The following SLCO3A1 variants were observed in gnomAD, a reference collection of about 807,000 sequenced individuals.
The protein encoded by SLCO3A1 is PGE1 transporter.
Under a neutral mutation model 63.1 loss-of-function variants are expected in SLCO3A1, and 27 were observed. The observed-to-expected ratio is 0.43, with a 90% CI of 0.32 to 0.59. SLCO3A1 has a LOEUF of 0.59. Among genes scored for constraint, SLCO3A1 ranks in the 20% least tolerant of loss-of-function variants. The probability of loss-of-function intolerance (pLI) is 0.09; values close to 1 mark genes in which losing one functional copy is unlikely to be tolerated. For missense variants in SLCO3A1, 773 were observed against 945.8 expected (o/e 0.82, Z 2.40); for synonymous variants, 473 against 409.9 (o/e 1.15, Z -1.86).
intron 1 of SLCO3A1, among the ~76,000 whole-genome samples, chr15:91,902,139 A>G (rs1309018233): frequency 1.3e-5 from 2 of 150,994 alleles, no homozygotes; most frequent in African/African-American, 4.9e-5. Flanking sequence ...CATTTATTAT[A>G]CTTTTCAACT....
chr15:92,035,447 A>G (rs1055644719), intron 2 of SLCO3A1, among the ~76,000 whole-genome samples: 3 of 151,792 alleles, frequency 2.0e-5, no homozygotes, highest in East Asian at 1.9e-4. Context: ...ATATGCACAT[A>G]TAGGATTATT....
chr15:91,984,786 A>G (rs2046029924), intron 2 of SLCO3A1, among the ~76,000 whole-genome samples: 1 of 152,176 alleles, frequency 6.6e-6, no homozygotes, highest in African/African-American at 2.4e-5. Flanking sequence ...TATTTTATCC[A>G]TCATTTCACA....
chr15:92,161,135 A>C (rs764303788), intron 9 of SLCO3A1, among the ~76,000 whole-genome samples: 2 of 152,156 alleles, frequency 1.3e-5, no homozygotes, highest in African/African-American at 2.4e-5. Flanking sequence ...AGTTCCAGAG[A>C]TCACTTCCTC....
At chr15:92,002,817 A>G (rs2046270836) in intron 2 of SLCO3A1, among the ~76,000 whole-genome samples, 1 of 152,200 alleles carries the variant, frequency 6.6e-6, no homozygotes, top group Admixed American at 6.5e-5. Flanking sequence ...TTCTAGTAGA[A>G]CACAAGGGAT....
chr15:91,976,103 TTC>T (rs770288111), intron 2 of SLCO3A1, among the ~76,000 whole-genome samples: 3 of 152,184 alleles, frequency 2.0e-5, no homozygotes, highest in Non-Finnish European at 4.4e-5. Flanking sequence ...GCTGCATTAT[TTC>T]TTGAAGTGTG....
chr15:91,997,368 A>G (rs545174808), intron 2 of SLCO3A1, among the ~76,000 whole-genome samples: 68 of 152,260 alleles, frequency 4.5e-4, no homozygotes, highest in Non-Finnish European at 9.0e-4. Context: ...GACACAAACA[A>G]ATGGAAAAAC....
At chr15:92,076,319 A>G (rs1033834294) in intron 2 of SLCO3A1, among the ~76,000 whole-genome samples, 28 of 152,190 alleles carry the variant, frequency 1.8e-4, no homozygotes, top group African/African-American at 6.5e-4. Flanking sequence ...TGCCCTTCCC[A>G]GTCAGAACCT....
rs1043680524 is a variant in SLCO3A1 at position 91,894,863 on chromosome 15, G to C, written c.181-21130G>C. On this transcript the variant is annotated intron_variant, in intron 1 of 9. Transcript: ENST00000318445. This position sits in a 1 kb window ranked among gnomAD's most constrained non-coding sequence, Gnocchi z 4.8. Reference sequence around the variant, plus strand: ...ACAGTGAAACCCCCGGAGGGACAGGGAGTGCGTAGAAGCAGGTTGTAGCTC... The same window carrying C: ...ACAGTGAAACCCCCGGAGGGACAGGCAGTGCGTAGAAGCAGGTTGTAGCTC... Among the ~76,000 whole-genome samples the C allele has an allele frequency of 4.6e-5, 7 of 152,178 alleles. No individual in the cohort carries two copies. Among genetic ancestry groups the C allele is most frequent in the African/African-American group, 1.7e-4 (7 of 41,438 alleles).
chr15:92,070,905 T>A (rs2047208317), intron 2 of SLCO3A1, among the ~76,000 whole-genome samples: 1 of 152,210 alleles, frequency 6.6e-6, no homozygotes, highest in African/African-American at 2.4e-5. Flanking sequence ...GTTAAGATGG[T>A]AAATTTTATG....
intron 2 of SLCO3A1, among the ~76,000 whole-genome samples, chr15:91,960,583 T>G (rs1262224610): frequency 1.3e-5 from 2 of 152,206 alleles, no homozygotes; most frequent in African/African-American, 4.8e-5. Context: ...AGAACATATT[T>G]TGAGAGAGCT....
intron 7 of SLCO3A1, among the ~76,000 whole-genome samples, chr15:92,131,943 GCACCTCCCT>G (rs2048001744): frequency 6.9e-6 from 1 of 145,532 alleles, no homozygotes. Context: ...ATTTACTCTG[GCACCTCCCT>G]CATTAAGCTG....
At chr15:92,051,032 C>T (rs183372336) in intron 2 of SLCO3A1, among the ~76,000 whole-genome samples, 9 of 152,336 alleles carry the variant, frequency 5.9e-5, no homozygotes, top group African/African-American at 1.7e-4. Context: ...TCCAAAGTTG[C>T]CTTCTGCCCC....
chr15:91,998,942 A>G (rs932001063), intron 2 of SLCO3A1, among the ~76,000 whole-genome samples: 6 of 152,236 alleles, frequency 3.9e-5, no homozygotes, highest in African/African-American at 1.4e-4. Context: ...TACATCATAG[A>G]ATACCGAGCA....
Position 92,096,001 on chromosome 15 carries a change from C to G in SLCO3A1, c.745+1022C>G, listed in dbSNP as rs28678552. On this transcript the variant is annotated intron_variant, in intron 3 of 9. Coordinates refer to ENST00000318445, the MANE Select transcript of SLCO3A1 (RefSeq NM_013272.4). ...AAGAAATAACCCCAAACCTAATGAC[C>G]TAAAACAGCAGACATTTCTTATCAT... 6.4e-3 allele frequency among the ~76,000 whole-genome samples: 979 copies of G among 152,310 alleles called. 11 individuals carry two copies. The highest frequency in any genetic ancestry group is 0.022 in the African/African-American group (922 of 41,554).
intron 2 of SLCO3A1, among the ~76,000 whole-genome samples, chr15:92,019,468 C>T (rs564548269): frequency 6.6e-6 from 1 of 152,312 alleles, no homozygotes; most frequent in African/African-American, 2.4e-5. Context: ...TTATAAGCTT[C>T]GTTAATCACT....
chr15:91,987,363 G>A (rs2046066896), intron 2 of SLCO3A1, among the ~76,000 whole-genome samples: 1 of 152,158 alleles, frequency 6.6e-6, no homozygotes, highest in Non-Finnish European at 1.5e-5. Context: ...GTCAAGTGAT[G>A]TATTATGCTC....
intron 2 of SLCO3A1, among the ~76,000 whole-genome samples, chr15:91,959,888 C>T (rs1293344401): frequency 1.3e-5 from 2 of 152,258 alleles, no homozygotes; most frequent in East Asian, 3.9e-4. Flanking sequence ...ATTATGCCCT[C>T]CCTAGCAGGT....
chr15:92,071,347 C>T (rs937126325), intron 2 of SLCO3A1, among the ~76,000 whole-genome samples: 3 of 152,208 alleles, frequency 2.0e-5, no homozygotes, highest in Non-Finnish European at 4.4e-5. Context: ...AGCACACCAT[C>T]CTCGCATTTG....
chr15:92,020,881 TAC>T (rs2046500461), intron 2 of SLCO3A1, among the ~76,000 whole-genome samples: 1 of 152,254 alleles, frequency 6.6e-6, no homozygotes, highest in Non-Finnish European at 1.5e-5. Flanking sequence ...TTTTAATCAT[TAC>T]ATTGTTTCTG....
Sources: gnomAD v4.1 joint callset for allele counts (sites outside exome capture counted in the v4.1 genomes callset) on GRCh38, gnomAD v4.1.1 for gene constraint, Gnocchi (gnomAD v3.1) non-coding constraint, MANE v1.5 for transcripts, NCBI Gene and HGNC (gene_info 2026-07-23, HGNC 2026-07-21) for gene names.